GRIA4: variants seen among roughly 807,000 people sequenced by gnomAD.
The protein encoded by GRIA4 is glutamate ionotropic receptor AMPA type subunit 4, also known as glutamate receptor 4.
GRIA4 carries 34 observed loss-of-function variants against 104.0 expected under a neutral mutation model. The ratio of observed to expected loss-of-function variants is 0.33; its 90% CI spans 0.25 to 0.44. The LOEUF is 0.44. GRIA4 is among the 20% of genes least tolerant of loss of function. GRIA4 has a pLI of 1.00. For missense variants in GRIA4, 750 were observed against 1,096.5 expected (o/e 0.68, Z 4.46); for synonymous variants, 386 against 381.9 (o/e 1.01, Z -0.13).
At chr11:105,758,497 T>TCTC (rs2135710113) in intron 4 of GRIA4, among the ~76,000 whole-genome samples, 1 of 152,294 alleles carries the variant, frequency 6.6e-6, no homozygotes, top group Admixed American at 6.5e-5. Context: ...TGAATTATGA[T>TCTC]CTCCTGACAA....
intron 4 of GRIA4, among the ~76,000 whole-genome samples, chr11:105,804,604 C>T (rs889886313): frequency 6.6e-6 from 1 of 151,744 alleles, no homozygotes; most frequent in Non-Finnish European, 1.5e-5. Context: ...GTAAATAAGT[C>T]ACAGCTAACA....
At chr11:105,967,024 A>T (rs1858410355) in intron 14 of GRIA4, among the ~76,000 whole-genome samples, 1 of 152,194 alleles carries the variant, frequency 6.6e-6, no homozygotes, top group South Asian at 2.1e-4. Flanking sequence ...TTTCATAAAC[A>T]TATAAATATA....
chr11:105,627,282 TA>T (rs1950910897), intron 3 of GRIA4, among the ~76,000 whole-genome samples: 1 of 150,316 alleles, frequency 6.7e-6, no homozygotes. Flanking sequence ...GAGAATAGAG[TA>T]GGGGTAGGGG....
At chr11:105,943,846 T>C (rs922707440) in intron 14 of GRIA4, among the ~76,000 whole-genome samples, 8 of 152,130 alleles carry the variant, frequency 5.3e-5, no homozygotes, top group African/African-American at 1.9e-4. Context: ...TCTGCAGGTA[T>C]TTGTTTCAGA....
chr11:105,921,306 G>GGGGTGT (rs758122574), intron 11 of GRIA4, among the ~76,000 whole-genome samples: 1,802 of 138,820 alleles, frequency 0.013, 15 homozygotes, highest in Non-Finnish European at 0.015. Context: ...ACCACACTTG[G>GGGGTGT]GTGTGTGTGT....
chr11:105,851,836 T>C (rs1311631888), intron 4 of GRIA4, among the ~76,000 whole-genome samples: 1 of 152,172 alleles, frequency 6.6e-6, no homozygotes, highest in African/African-American at 2.4e-5. Context: ...TCATAGTACT[T>C]ACTACCTCTT....
chr11:105,643,247 TAC>T (rs1170313880), intron 3 of GRIA4, among the ~76,000 whole-genome samples: 1 of 152,208 alleles, frequency 6.6e-6, no homozygotes, highest in East Asian at 1.9e-4. Flanking sequence ...CATAGCTCAT[TAC>T]AGTTTTCTAT....
chr11:105,762,882 C>T (rs963929741), intron 4 of GRIA4, among the ~76,000 whole-genome samples: 7 of 152,214 alleles, frequency 4.6e-5, no homozygotes, highest in Admixed American at 6.5e-5. Context: ...TTATCAGCAG[C>T]GTGAGAACAG....
chr11:105,945,208 T>C (rs1948279396), intron 14 of GRIA4, among the ~76,000 whole-genome samples: 1 of 152,172 alleles, frequency 6.6e-6, no homozygotes, highest in African/African-American at 2.4e-5. Context: ...TTCTGTGAAC[T>C]CCTACTCTAA....
intron 3 of GRIA4, among the ~76,000 whole-genome samples, chr11:105,698,661 A>G (rs1953375372): frequency 6.6e-6 from 1 of 152,246 alleles, no homozygotes; most frequent in African/African-American, 2.4e-5. Context: ...GAGAATGTGC[A>G]TAAAAAATCA....
intron 3 of GRIA4, among the ~76,000 whole-genome samples, chr11:105,743,900 T>C (rs1939486094): frequency 1.3e-5 from 2 of 152,216 alleles, no homozygotes; most frequent in Non-Finnish European, 2.9e-5. Context: ...ATCTCCTAAA[T>C]ACTTCCCAAA....
At chr11:105,652,138 A>T (rs1360663701) in intron 3 of GRIA4, among the ~76,000 whole-genome samples, 1 of 152,192 alleles carries the variant, frequency 6.6e-6, no homozygotes, top group Non-Finnish European at 1.5e-5. Context: ...TATGACAAAC[A>T]TTCAGCATTT....
intron 4 of GRIA4, among the ~76,000 whole-genome samples, chr11:105,823,235 A>G (rs1254788075): frequency 6.6e-6 from 1 of 152,142 alleles, no homozygotes; most frequent in Non-Finnish European, 1.5e-5. Flanking sequence ...ATTTAACCAG[A>G]GCTAGTTCTG....
intron 4 of GRIA4, among the ~76,000 whole-genome samples, chr11:105,817,701 A>G (rs1236809874): frequency 6.6e-6 from 1 of 152,142 alleles, no homozygotes; most frequent in African/African-American, 2.4e-5. Flanking sequence ...TTTTGAATAC[A>G]TTACAGAATA....
intron 3 of GRIA4, among the ~76,000 whole-genome samples, chr11:105,734,941 T>C (rs368259555): frequency 2.0e-5 from 3 of 152,192 alleles, no homozygotes; most frequent in Non-Finnish European, 4.4e-5. Context: ...TAAGAGTAGA[T>C]GCTCAATATT....
intron 10 of GRIA4, among the ~76,000 whole-genome samples, chr11:105,916,119 G>A (rs1306724539): frequency 2.6e-5 from 4 of 152,236 alleles, no homozygotes; most frequent in South Asian, 4.1e-4. Flanking sequence ...GGAAGGCAGA[G>A]GTTGCAGTGA....
chr11:105,945,827 A>C (rs902812619), intron 14 of GRIA4, among the ~76,000 whole-genome samples: 1 of 152,176 alleles, frequency 6.6e-6, no homozygotes, highest in African/African-American at 2.4e-5. Flanking sequence ...ATCAGCTGTT[A>C]ATTTCTCTAT....
chr11:105,938,547 C>T (rs1948108347), intron 14 of GRIA4, among the ~76,000 whole-genome samples: 1 of 152,082 alleles, frequency 6.6e-6, no homozygotes, highest in Non-Finnish European at 1.5e-5. Context: ...AGAGATATAT[C>T]TTTGCTTATG....
intron 3 of GRIA4, among the ~76,000 whole-genome samples, chr11:105,651,550 T>A (rs1951687309): frequency 6.6e-6 from 1 of 152,144 alleles, no homozygotes; most frequent in Non-Finnish European, 1.5e-5. Context: ...TGTAACTGGC[T>A]GGGTTATGCC....
Sources: gnomAD v4.1 joint callset for allele counts (sites outside exome capture counted in the v4.1 genomes callset) on GRCh38, gnomAD v4.1.1 for gene constraint, MANE v1.5 for transcripts, NCBI Gene and HGNC (gene_info 2026-07-23, HGNC 2026-07-21) for gene names.